Variants in TECTA observed in about 807,000 individuals in gnomAD.
TECTA encodes the protein alpha-tectorin.
In TECTA, 128 loss-of-function variants were observed where a neutral mutation model predicts 216.8. The observed-to-expected ratio is 0.59, with a 90% CI of 0.51 to 0.68. The LOEUF is 0.68. Among genes scored for constraint, TECTA ranks in the 30% least tolerant of loss-of-function variants. TECTA has a pLI of 0.00. For missense variants in TECTA, 2,551 were observed against 2,786.2 expected, an observed-to-expected ratio of 0.92 and a Z score of 1.90; for synonymous variants, 1,089 against 1,117.1, an observed-to-expected ratio of 0.97 and a Z score of 0.50.
chr11:121,125,161 G>C, intron 7 of TECTA, 141 bp from the exon 8 acceptor site: 1 of 860,610 alleles, frequency 1.2e-6, no homozygotes, highest in Admixed American at 2.0e-5. Flanking sequence ...TAATCAGAGG[G>C]AAGCCCACTG....
intron 13 of TECTA, 91 bp from the exon 14 acceptor site, chr11:121,157,750 C>T (rs1946955712): frequency 2.5e-6 from 4 of 1,594,520 alleles, no homozygotes; most frequent in Non-Finnish European, 2.6e-6. Flanking sequence ...ATAGGCTAGC[C>T]AAGCCTGATA....
chr11:121,151,523 T>C (rs1397874421), intron 12 of TECTA, among the ~76,000 whole-genome samples: 1 of 152,236 alleles, frequency 6.6e-6, no homozygotes, highest in Non-Finnish European at 1.5e-5. Context: ...AAGGCATACA[T>C]GTATGCTTAT....
At chr11:121,143,891 C>T (rs1387073968) in intron 11 of TECTA, among the ~76,000 whole-genome samples, 1 of 152,196 alleles carries the variant, frequency 6.6e-6, no homozygotes, top group Non-Finnish European at 1.5e-5. Flanking sequence ...CTACTGGGAG[C>T]CCTGGCACTT....
chr11:121,136,761 T>C (rs1946731175), intron 10 of TECTA, among the ~76,000 whole-genome samples: 2 of 152,190 alleles, frequency 1.3e-5, no homozygotes, highest in South Asian at 4.1e-4. Context: ...TCCAGAGTCT[T>C]TGAGTCAGTG....
At position 121,113,524 on chromosome 11, in the gene TECTA, A is replaced by G. The variant is rs749389491; in HGVS notation, c.625-29A>G. On this transcript the variant is annotated intron_variant, in intron 5 of 23. Coordinates refer to ENST00000392793, the MANE Select transcript of TECTA (RefSeq NM_005422.4). This position sits in a 1 kb window ranked among gnomAD's most constrained non-coding sequence, Gnocchi z 4.2. ...TAACCCATGGGGAATTTTTGTACTCAAAAATCTTGTCTTCCTTTTGTGCTG... is the reference window on the plus strand; with the variant it reads ...TAACCCATGGGGAATTTTTGTACTCGAAAATCTTGTCTTCCTTTTGTGCTG... The G allele has an allele frequency of 4.3e-6, 7 of 1,613,856 alleles. No individual in the cohort carries two copies. The East Asian group carries it at 1.6e-4, about 36-fold the overall frequency.
chr11:121,188,271 T>C (rs1269016271), intron 21 of TECTA, among the ~76,000 whole-genome samples: 2 of 152,242 alleles, frequency 1.3e-5, no homozygotes, highest in Non-Finnish European at 2.9e-5. Context: ...TTCTTTGTTG[T>C]GGAGGACTGT....
At chr11:121,167,224 A>T (rs1947062935) in intron 18 of TECTA, among the ~76,000 whole-genome samples, 1 of 152,224 alleles carries the variant, frequency 6.6e-6, no homozygotes. Flanking sequence ...AGAGGCCAGG[A>T]ATTCAAGACC....
At chr11:121,189,955 G>A in intron 23 of TECTA, 75 bp downstream of exon 23, 1 of 1,254,186 alleles carries the variant, frequency 8.0e-7, no homozygotes, top group South Asian at 1.2e-5. Flanking sequence ...GAGAAATTCA[G>A]ATTTGAAGGC....
rs371071499 is a variant in TECTA at position 121,160,287 on chromosome 11, G to A, written c.4842G>A (p.Leu1614=). The A allele has an allele frequency of 1.2e-6, 2 of 1,614,108 alleles. No homozygotes were observed. Among genetic ancestry groups the A allele is most frequent in the African/African-American group, 2.7e-5 (2 of 74,928 alleles). Residue 1614 remains leucine (L), a synonymous_variant, in exon 15 of 24, where the codon CTG becomes CTA. Transcript: ENST00000392793. Reference sequence around the variant, plus strand: ...TTAAAATCAGCATCAGCGAGAGGCTGCAGAACAAAGTGTGCGGTCTCTGTG... The same window carrying A: ...TTAAAATCAGCATCAGCGAGAGGCTACAGAACAAAGTGTGCGGTCTCTGTG... The part of the protein sequence containing the change: ...NVIKISISER[L]QNKVCGLCGN...
At chr11:121,168,570 CT>C in intron 19 of TECTA, 106 bp from the exon 20 acceptor site, 1 of 1,550,984 alleles carries the variant, frequency 6.4e-7, no homozygotes, top group Non-Finnish European at 8.9e-7. Context: ...TTAGACTTTG[CT>C]ACTACGTGCT....
At chr11:121,108,561 TACACAC>T (rs151017407) in intron 3 of TECTA, among the ~76,000 whole-genome samples, 5 of 130,654 alleles carry the variant, frequency 3.8e-5, no homozygotes, top group African/African-American at 1.2e-4. Flanking sequence ...CCACCCCCAG[TACACAC>T]ACACACACAC....
At position 121,189,861 on chromosome 11, in the gene TECTA, G is replaced by A. The variant is rs773526497; in HGVS notation, c.6348G>A (p.Glu2116=). The A allele has an allele frequency of 6.2e-7, 1 of 1,613,262 alleles. No individual in the cohort carries two copies. The highest frequency in any genetic ancestry group is 1.7e-5 in the Admixed American group (1 of 60,014). Residue 2116 remains glutamate, a synonymous_variant, in exon 23 of 24, where the codon GAG becomes GAA. Transcript: ENST00000392793. ...GCTGTGTAACAGGAACCCTGCAGGA[G>A]GACGGCAAGAGCTGCAGAGGTAGAC... ...LCSCVTGTLQ[E]DGKSCRASNS...
intron 12 of TECTA, 43 bp from the exon 13 acceptor site, chr11:121,152,838 G>T: frequency 6.4e-7 from 1 of 1,566,470 alleles, no homozygotes. Flanking sequence ...CCTCCTCGGT[G>T]CCTTGTGATC....
chr11:121,134,348 C>CACACACACACACACAT (rs397808440), intron 10 of TECTA, among the ~76,000 whole-genome samples: 2 of 151,624 alleles, frequency 1.3e-5, no homozygotes. Flanking sequence ...CACACACACA[C>CACACACACACACACAT]GCACACACTT....
chr11:121,107,760 G>A (rs907418188), intron 3 of TECTA, among the ~76,000 whole-genome samples: 1 of 152,082 alleles, frequency 6.6e-6, no homozygotes, highest in Non-Finnish European at 1.5e-5. Flanking sequence ...GTAAACTGAG[G>A]GTATATCTTG....
At chr11:121,188,334 A>G (rs1345359879) in intron 21 of TECTA, among the ~76,000 whole-genome samples, 1 of 152,158 alleles carries the variant, frequency 6.6e-6, no homozygotes, top group Non-Finnish European at 1.5e-5. Context: ...CATGGATACC[A>G]GTCACATCTT....
intron 4 of TECTA, among the ~76,000 whole-genome samples, chr11:121,111,015 G>A (rs187363236): frequency 9.2e-5 from 14 of 152,220 alleles, no homozygotes; most frequent in Non-Finnish European, 1.8e-4. Flanking sequence ...TTCCCCTTCT[G>A]TATAGAAACA....
At chr11:121,190,049 T>A in intron 23 of TECTA, 169 bp downstream of exon 23, 1 of 636,576 alleles carries the variant, frequency 1.6e-6, no homozygotes, top group Non-Finnish European at 2.8e-6. Flanking sequence ...CTAGGGCCAT[T>A]AAACAAACAA....
chr11:121,184,855 G>A (rs887369367), intron 20 of TECTA, among the ~76,000 whole-genome samples: 1 of 152,216 alleles, frequency 6.6e-6, no homozygotes, highest in South Asian at 2.1e-4. Flanking sequence ...AGGGAGGGAC[G>A]TGGTGACTAC....
Sources: gnomAD v4.1 joint callset for allele counts (sites outside exome capture counted in the v4.1 genomes callset) on GRCh38, gnomAD v4.1.1 for gene constraint, Gnocchi (gnomAD v3.1) non-coding constraint, MANE v1.5 for transcripts, NCBI Gene and HGNC (gene_info 2026-07-23, HGNC 2026-07-21) for gene names.